DMD: variants seen among roughly 807,000 people sequenced by gnomAD.
DMD encodes the protein dystrophin, also known as mutant dystrophin.
DMD carries 63 observed loss-of-function variants against 330.1 expected under a neutral mutation model. That is an observed-to-expected ratio of 0.19 (90% CI 0.16 to 0.24). DMD has a LOEUF of 0.24. Among genes scored for constraint, DMD ranks in the 10% least tolerant of loss-of-function variants. The pLI is 1.00. For synonymous variants in DMD, 1,223 were observed against 959.8 expected, an observed-to-expected ratio of 1.27 and a Z score of -5.07; for missense variants, 3,344 against 2,684.1, an observed-to-expected ratio of 1.25 and a Z score of -5.43.
chrX:31,294,366 A>G (rs919624657), intron 62 of DMD, among the ~76,000 whole-genome samples: 2 of 112,298 alleles, frequency 1.8e-5, no homozygotes, highest in East Asian at 5.6e-4. Flanking sequence ...AAAGTGCTAT[A>G]CAAACACATG....
At chrX:32,096,295 C>A (rs969614764) in intron 44 of DMD, among the ~76,000 whole-genome samples, 28 of 111,607 alleles carry the variant, frequency 2.5e-4, no homozygotes, top group African/African-American at 8.1e-4. Context: ...TGAACCCAGG[C>A]TCTTTGACTC....
At chrX:31,859,165 A>G (rs759736573) in intron 48 of DMD, among the ~76,000 whole-genome samples, 236 of 111,406 alleles carry the variant, frequency 2.1e-3, no homozygotes, top group Non-Finnish European at 3.2e-3. Context: ...GACTGCAAGT[A>G]CCTGCATAGA....
rs753457392 is a variant in DMD, at chrX:32,877,885, G to A, written c.94-28065C>T. Among the ~76,000 whole-genome samples, 5 of 111,753 alleles carry A rather than the reference G, an allele frequency of 4.5e-5. No individual in the cohort carries two copies. The East Asian group carries it at 1.1e-3, about 25-fold the overall frequency. ...AGACTGAGGCTGGCACTTTGCCTGC[G>A]ATTGCTCCTTGCATGATTTCTTCCC... is the stretch of plus-strand genomic sequence containing the variant. On this transcript the variant is annotated intron_variant, in intron 2 of 78. Transcript: ENST00000357033.
chrX:32,222,253 A>G (rs1448450034), intron 43 of DMD, among the ~76,000 whole-genome samples: 3 of 111,649 alleles, frequency 2.7e-5, no homozygotes, highest in Admixed American at 9.5e-5. Flanking sequence ...AAATCTATTC[A>G]AAACCTCTGG....
chrX:32,957,510 T>G (rs1266179634), intron 2 of DMD, among the ~76,000 whole-genome samples: 1 of 111,817 alleles, frequency 8.9e-6, no homozygotes, highest in East Asian at 2.8e-4. Flanking sequence ...CAAGATGGTA[T>G]ATATATAATC....
At position 32,054,135 on chromosome X, in the gene DMD, G is replaced by GAGAA. The variant is rs1450250738; in HGVS notation, c.6439-85622_6439-85621insTTCT. On this transcript the variant is annotated intron_variant, in intron 44 of 78. Coordinates refer to ENST00000357033, the MANE Select transcript of DMD (RefSeq NM_004006.3). ...AGAGAGAGAGAGAGAGAGAGAGAGA[G>GAGAA]AAGAGGACTGAGGAACCAAAAAGAA... Among the ~76,000 whole-genome samples the GAGAA allele has an allele frequency of 2.6e-3, 249 of 96,138 alleles. 2 individuals carry two copies. Among genetic ancestry groups the GAGAA allele is most frequent in the Non-Finnish European group, 4.2e-3 (198 of 47,270 alleles). The allele number at this position is 96,138 out of a possible 115,157, so 83.5% of individuals were successfully genotyped here.
At chrX:32,894,142 G>C (rs1302883703) in intron 2 of DMD, among the ~76,000 whole-genome samples, 1 of 111,898 alleles carries the variant, frequency 8.9e-6, no homozygotes, top group East Asian at 2.8e-4. Flanking sequence ...TTAAGTTGGA[G>C]GTAATGATTA....
intron 13 of DMD, among the ~76,000 whole-genome samples, chrX:32,588,260 C>A (rs2054509691): frequency 9.0e-6 from 1 of 111,682 alleles, no homozygotes; most frequent in African/African-American, 3.3e-5. Flanking sequence ...GATCGGTGCC[C>A]AAACAGACAC....
At chrX:32,577,451 G>A (rs970636095) in intron 13 of DMD, among the ~76,000 whole-genome samples, 9 of 112,357 alleles carry the variant, frequency 8.0e-5, no homozygotes, top group African/African-American at 2.6e-4. Context: ...AATGTCTGTC[G>A]AATAATAATA....
At chrX:31,201,460 A>G (rs1446974107) in intron 67 of DMD, among the ~76,000 whole-genome samples, 3 of 112,797 alleles carry the variant, frequency 2.7e-5, no homozygotes, top group African/African-American at 9.7e-5. Context: ...GCAAGGATGG[A>G]CTGAATTCAA....
chrX:33,182,437 T>G, intron 1 of DMD, among the ~76,000 whole-genome samples: 1 of 110,403 alleles, frequency 9.1e-6, no homozygotes, highest in East Asian at 2.9e-4. Context: ...GGCTCATTTC[T>G]TTTCATTTTT....
intron 44 of DMD, among the ~76,000 whole-genome samples, chrX:32,199,061 C>T (rs765848321): frequency 3.6e-5 from 4 of 111,967 alleles, no homozygotes; most frequent in East Asian, 5.6e-4. Context: ...TACGTATTGA[C>T]GTGCTTATTG....
rs188099926 is a variant in DMD, at chrX:31,128,015, C to T, written c.11015-1342G>A. Among the ~76,000 whole-genome samples, 202 of 111,337 alleles carry T rather than the reference C, an allele frequency of 1.8e-3. 1 individual carries two copies. The highest frequency in any genetic ancestry group is 6.4e-3 in the African/African-American group (195 of 30,660). On this transcript the variant is annotated intron_variant, in intron 77 of 78. Transcript: ENST00000357033. ...GGGAAAAGAGGGAGAAAAATGGGTA[C>T]TAGCTCCTCAGCTGTGGGTGTCACT...
Position 31,604,151 on chromosome X carries a change from T to C in DMD, c.8217+23522A>G, listed in dbSNP as rs767518445. On this transcript the variant is annotated intron_variant, in intron 55 of 78. Transcript: ENST00000357033. ...TCTGCTTCTTATGTAGTCTCCAAAT[T>C]TGAATGACAGTCTTCCTAACTAGTA... 3.6e-5 allele frequency among the ~76,000 whole-genome samples: 4 copies of C among 112,171 alleles called. No homozygotes were observed. In the East Asian group the frequency reaches 1.1e-3, roughly 31 times the overall value.
intron 7 of DMD, among the ~76,000 whole-genome samples, chrX:32,787,213 A>AGTGTGTGT (rs72078806): frequency 0.013 from 1,067 of 83,259 alleles, 8 homozygotes; most frequent in African/African-American, 0.019. Context: ...CTCTCTGTCA[A>AGTGTGTGT]GTGTGTGTGT....
At chrX:32,254,524 TAAAGAAGTTC>T (rs2097290787) in intron 43 of DMD, among the ~76,000 whole-genome samples, 1 of 112,301 alleles carries the variant, frequency 8.9e-6, no homozygotes, top group Non-Finnish European at 1.9e-5. Context: ...ACTGTCATTC[TAAAGAAGTTC>T]ACAGTGTGTA....
chrX:32,728,990 C>T lies in DMD; in HGVS notation c.650-29697G>A, dbSNP rs894990120. On this transcript the variant is annotated intron_variant, in intron 7 of 78. Transcript: ENST00000357033. The stretch of plus-strand genomic sequence containing the variant: ...CCAACTACCACAAAAGGTGCTAGGG[C>T]GCAATTATGAACAAAGAAGTCAGCA... Among the ~76,000 whole-genome samples, 20 of 111,734 alleles carry T rather than the reference C, an allele frequency of 1.8e-4. No individual in the cohort carries two copies. The East Asian group carries it at 3.9e-3, about 22-fold the overall frequency.
At chrX:33,080,283 A>T (rs1453056077) in intron 1 of DMD, among the ~76,000 whole-genome samples, 1 of 108,984 alleles carries the variant, frequency 9.2e-6, no homozygotes, top group African/African-American at 3.3e-5. Flanking sequence ...TACCCACAGA[A>T]TTTTTTTTTT....
At chrX:33,223,370 G>A (rs1664993165) in intron 1 of DMD, among the ~76,000 whole-genome samples, 1 of 111,987 alleles carries the variant, frequency 8.9e-6, no homozygotes, top group South Asian at 3.7e-4. Flanking sequence ...AAAGTCAGAA[G>A]ATTGAGACTG....
Sources: gnomAD v4.1 joint callset for allele counts (sites outside exome capture counted in the v4.1 genomes callset) on GRCh38, gnomAD v4.1.1 for gene constraint, MANE v1.5 for transcripts, NCBI Gene and HGNC (gene_info 2026-07-23, HGNC 2026-07-21) for gene names.